The following SCUBE2 variants were observed in gnomAD, a reference collection of about 807,000 sequenced individuals.
SCUBE2 encodes the protein signal peptide, CUB domain and EGF like domain containing 2.
A neutral mutation model predicts 125.9 loss-of-function variants in SCUBE2; 114 were observed. The ratio of observed to expected loss-of-function variants is 0.91; its 90% confidence interval spans 0.78 to 1.06. SCUBE2 has a LOEUF of 1.06. SCUBE2 is among the 50% of genes least tolerant of loss of function. The pLI is 0.00. For synonymous variants in SCUBE2, 459 were observed against 492.9 expected, an observed-to-expected ratio of 0.93 and a Z score of 0.91; for missense variants, 1,255 against 1,301.8, an observed-to-expected ratio of 0.96 and a Z score of 0.55.
In SCUBE2 at chr11:9,091,308, C is replaced by CA; in HGVS notation, c.133+87_133+88insT. On this transcript the variant is annotated intron_variant, in intron 1 of 22. Transcript: ENST00000649792. This position sits in a 1 kb window ranked among gnomAD's most constrained non-coding sequence, Gnocchi z 8.5. ...GCAGCCGCCAGCCCCGAGCCCCGCG[C>CA]GCCCGGCTCTGGACTCCGCCGGGGA... 4.1e-6 allele frequency: 4 copies of CA among 972,558 alleles called. No homozygotes were observed. Among genetic ancestry groups the CA allele is most frequent in the Non-Finnish European group, 5.3e-6 (4 of 759,196 alleles). 60.2% of individuals were successfully genotyped at this position (972,558 alleles called of 1,614,324 possible).
At chr11:9,066,404 C>A (rs1384526490) in intron 6 of SCUBE2, among the ~76,000 whole-genome samples, 1 of 152,200 alleles carries the variant, frequency 6.6e-6, no homozygotes, top group Non-Finnish European at 1.5e-5. Context: ...ACAGCTCTAA[C>A]TTCGTGCTGC....
At chr11:9,038,320 C>T (rs1269300258) in intron 16 of SCUBE2, among the ~76,000 whole-genome samples, 1 of 152,030 alleles carries the variant, frequency 6.6e-6, no homozygotes, top group Non-Finnish European at 1.5e-5. Context: ...CCAAGAAAGG[C>T]CTTTCTGAAC....
chr11:9,078,558 C>T (rs1468559976), intron 3 of SCUBE2, among the ~76,000 whole-genome samples: 1 of 152,162 alleles, frequency 6.6e-6, no homozygotes, highest in Non-Finnish European at 1.5e-5. Context: ...CATAAGGGGG[C>T]GTCTGAATGG....
chr11:9,031,453 C>T (rs1159862979), intron 17 of SCUBE2, among the ~76,000 whole-genome samples: 3 of 151,982 alleles, frequency 2.0e-5, no homozygotes, highest in South Asian at 2.1e-4. Context: ...GGCAACATGG[C>T]GAAATCTCTA....
intron 2 of SCUBE2, among the ~76,000 whole-genome samples, chr11:9,085,029 G>A (rs916496668): frequency 6.6e-6 from 1 of 152,140 alleles, no homozygotes; most frequent in Non-Finnish European, 1.5e-5. Flanking sequence ...TTACAAGCAT[G>A]AGCCACTGCA....
Position 9,053,195 on chromosome 11 carries a change from T to TGG in SCUBE2, c.1349_1350dup (p.Thr451ProfsTer71), listed in dbSNP as rs1444467044. 1 of 1,614,038 alleles carries TGG rather than the reference T, an allele frequency of 6.2e-7. No homozygotes were observed. The highest frequency in any genetic ancestry group is 2.2e-5 in the East Asian group (1 of 44,896). On this transcript the variant is annotated frameshift_variant, in exon 12 of 23. Coordinates refer to ENST00000649792, the MANE Select transcript of SCUBE2 (RefSeq NM_001367977.2). LOFTEE classifies it high-confidence loss of function. ...AGGGACACACGGGGTGACACACTTG[T>TGG]GGGCAGGAGCCCCTTCACTTCTAGA... is the stretch of plus-strand genomic sequence containing the variant.
intron 16 of SCUBE2, among the ~76,000 whole-genome samples, chr11:9,040,054 G>A (rs1471270562): frequency 1.3e-5 from 2 of 152,046 alleles, no homozygotes; most frequent in African/African-American, 4.8e-5. Flanking sequence ...AGCCACGCGC[G>A]TCCGCACCAC....
chr11:9,029,779 T>A, intron 19 of SCUBE2, 105 bp downstream of exon 19: 1 of 1,259,456 alleles, frequency 7.9e-7, no homozygotes, highest in East Asian at 2.3e-5. Flanking sequence ...ATCTACATGG[T>A]TCTGAGTGAA....
At chr11:9,058,151 T>G (rs560842297) in intron 9 of SCUBE2, among the ~76,000 whole-genome samples, 39 of 152,204 alleles carry the variant, frequency 2.6e-4, no homozygotes, top group Admixed American at 1.4e-3. Context: ...TCTTCAAAGA[T>G]CAAAGGCTGA....
intron 2 of SCUBE2, among the ~76,000 whole-genome samples, chr11:9,081,681 A>C (rs1044297075): frequency 5.3e-5 from 8 of 151,568 alleles, no homozygotes; most frequent in South Asian, 2.1e-4. Context: ...AACAAAAAAA[A>C]AAAACCAAAA....
chr11:9,036,740 C>A (rs1424705367), intron 16 of SCUBE2, among the ~76,000 whole-genome samples: 1 of 152,212 alleles, frequency 6.6e-6, no homozygotes, highest in African/African-American at 2.4e-5. Context: ...AGCCAGGGAC[C>A]AGGATGGGCT....
chr11:9,076,299 C>G (rs1000617733), intron 3 of SCUBE2, among the ~76,000 whole-genome samples: 24 of 151,944 alleles, frequency 1.6e-4, no homozygotes, highest in African/African-American at 4.8e-4. Flanking sequence ...AGGGAGGAAG[C>G]CTTCTGCCAC....
At chr11:9,048,705 C>G (rs1858045920) in intron 14 of SCUBE2, among the ~76,000 whole-genome samples, 1 of 152,234 alleles carries the variant, frequency 6.6e-6, no homozygotes, top group South Asian at 2.1e-4. Context: ...TGTTGCATGA[C>G]AGGGCTTTGC....
intron 21 of SCUBE2, chr11:9,024,520 G>A: frequency 3.0e-6 from 2 of 664,586 alleles, no homozygotes; most frequent in Non-Finnish European, 4.6e-6. Flanking sequence ...ATCCTTCAGT[G>A]GCTTCCTCTA....
intron 19 of SCUBE2, among the ~76,000 whole-genome samples, chr11:9,029,179 C>T (rs1404671943): frequency 6.6e-6 from 1 of 152,162 alleles, no homozygotes; most frequent in East Asian, 1.9e-4. Context: ...AAAAAAAAAG[C>T]CTAGACAGCA....
Position 9,079,494 on chromosome 11 carries a change from C to A in SCUBE2, c.272G>T (p.Gly91Val), listed in dbSNP as rs1326587550. 2.5e-6 allele frequency: 4 copies of A among 1,613,648 alleles called. No homozygotes were observed. The highest frequency in any genetic ancestry group is 3.4e-6 in the Non-Finnish European group (4 of 1,179,800). ...GRQCEDIDEC[G>V]NELNGGCVHD... The stretch of plus-strand genomic sequence containing the variant: ...GACACAGCCTCCATTGAGCTCATTT[C>A]CACATTCATCGATGTCTGAGGAATA... Residue 91 changes from glycine (G) to valine (V), a missense_variant, in exon 3 of 23, where the codon GGA (glycine) becomes GTA (valine). Gly to Val is a moderately radical substitution (Grantham distance 109). Around this residue, in one of 3 missense-constraint regions of SCUBE2, gnomAD observed 362 missense variants for 323.0 expected, o/e 1.12. Coordinates refer to ENST00000649792, the MANE Select transcript of SCUBE2 (RefSeq NM_001367977.2).
intron 3 of SCUBE2, among the ~76,000 whole-genome samples, chr11:9,076,740 C>T (rs2135863763): frequency 1.3e-5 from 2 of 152,336 alleles, no homozygotes; most frequent in Non-Finnish European, 2.9e-5. Flanking sequence ...TTTCAAGCTT[C>T]AGATCTTATA....
chr11:9,042,023 G>C (rs1883099), intron 16 of SCUBE2, among the ~76,000 whole-genome samples: 1 of 151,924 alleles, frequency 6.6e-6, no homozygotes, highest in Non-Finnish European at 1.5e-5. Flanking sequence ...GTCTGAGCCT[G>C]TGTGGACAGA....
At chr11:9,032,713 A>G (rs1020025469) in intron 17 of SCUBE2, among the ~76,000 whole-genome samples, 1 of 152,150 alleles carries the variant, frequency 6.6e-6, no homozygotes, top group African/African-American at 2.4e-5. Context: ...AGCCTTGGTG[A>G]CAGAGTGAGA....
Sources: gnomAD v4.1 joint callset for allele counts (sites outside exome capture counted in the v4.1 genomes callset) on GRCh38, gnomAD v4.1.1 for gene constraint, gnomAD v4.1.1 regional missense constraint, Gnocchi (gnomAD v3.1) non-coding constraint, MANE v1.5 for transcripts, NCBI Gene and HGNC (gene_info 2026-07-23, HGNC 2026-07-21) for gene names.